TENM2: variants seen among roughly 807,000 people sequenced by gnomAD.
TENM2 encodes teneurin transmembrane protein 2.
A neutral mutation model predicts 245.2 loss-of-function variants in TENM2; 52 were observed. That is an observed-to-expected ratio of 0.21 (90% CI 0.17 to 0.27). The LOEUF (loss-of-function observed/expected upper bound fraction) is 0.27. Ranked by LOEUF, TENM2 falls within the 10% of genes least tolerant of loss-of-function variation. TENM2 has a pLI of 1.00. For synonymous variants in TENM2, 1,363 were observed against 1,438.9 expected, an observed-to-expected ratio of 0.95 and a Z score of 1.19; for missense variants, 3,046 against 3,666.8, an observed-to-expected ratio of 0.83 and a Z score of 4.37.
intron 3 of TENM2, among the ~76,000 whole-genome samples, chr5:167,915,754 G>T (rs985580528): frequency 6.6e-6 from 1 of 152,148 alleles, no homozygotes; most frequent in Non-Finnish European, 1.5e-5. Context: ...AAGATGATCT[G>T]TATTTCTTTT....
intron 2 of TENM2, among the ~76,000 whole-genome samples, chr5:167,745,809 T>C (rs1326135696): frequency 6.6e-6 from 1 of 152,226 alleles, no homozygotes; most frequent in Non-Finnish European, 1.5e-5. Context: ...ATGCATAGCA[T>C]GTATCAGTAG....
chr5:167,861,177 T>C (rs954516944), intron 2 of TENM2, among the ~76,000 whole-genome samples: 1 of 152,188 alleles, frequency 6.6e-6, no homozygotes, highest in Non-Finnish European at 1.5e-5. Flanking sequence ...TTACTCCTTC[T>C]CTCCTTTCTC....
chr5:167,706,616 G>A (rs1207038128), intron 2 of TENM2, among the ~76,000 whole-genome samples: 3 of 152,096 alleles, frequency 2.0e-5, no homozygotes, highest in Non-Finnish European at 4.4e-5. Flanking sequence ...TTACCCAGAG[G>A]TGGGATTGCT....
intron 2 of TENM2, among the ~76,000 whole-genome samples, chr5:167,492,944 A>C (rs1422417490): frequency 6.6e-6 from 1 of 152,158 alleles, no homozygotes; most frequent in Non-Finnish European, 1.5e-5. Context: ...ATTTCCAAGC[A>C]GAAGCTTGGC....
At chr5:168,159,828 G>A (rs953713990) in intron 12 of TENM2, among the ~76,000 whole-genome samples, 41 of 152,200 alleles carry the variant, frequency 2.7e-4, no homozygotes, top group Non-Finnish European at 5.1e-4. Flanking sequence ...GTCTGCAGGG[G>A]CAGGTTGGGG....
At chr5:167,903,079 C>T (rs116295211) in intron 3 of TENM2, among the ~76,000 whole-genome samples, 22 of 152,220 alleles carry the variant, frequency 1.4e-4, no homozygotes, top group African/African-American at 4.8e-4. Context: ...ACTTTGTACC[C>T]CATGAATATG....
the TENM2 span, among the ~76,000 whole-genome samples, chr5:167,067,235 C>T: frequency 6.6e-6 from 1 of 151,972 alleles, no homozygotes; most frequent in Admixed American, 6.6e-5. Flanking sequence ...AAGATTTGAA[C>T]CTTTCAGAAT....
At chr5:167,704,614 G>A (rs1013084159) in intron 2 of TENM2, among the ~76,000 whole-genome samples, 26 of 152,086 alleles carry the variant, frequency 1.7e-4, no homozygotes, top group African/African-American at 6.0e-4. Context: ...GAAGGAAGAG[G>A]GCAGTACAGG....
upstream of TENM2, among the ~76,000 whole-genome samples, chr5:167,280,362 G>A (rs1350922554): frequency 6.6e-6 from 1 of 152,182 alleles, no homozygotes; most frequent in Non-Finnish European, 1.5e-5. Flanking sequence ...CAGTGGAGAA[G>A]GGGAGGAGTG....
At chr5:167,744,820 C>CAAACAAAACAAAACA (rs144300762) in intron 2 of TENM2, among the ~76,000 whole-genome samples, 9 of 145,820 alleles carry the variant, frequency 6.2e-5, no homozygotes, top group Admixed American at 4.8e-4. Flanking sequence ...AACAAACAAA[C>CAAACAAAACAAAACA]AAACAAAACA....
At chr5:167,119,105 C>A in the TENM2 span, among the ~76,000 whole-genome samples, 1 of 152,210 alleles carries the variant, frequency 6.6e-6, no homozygotes, top group Non-Finnish European at 1.5e-5. Context: ...TGGTCCCTTT[C>A]TGCCTCAGTT....
intron 2 of TENM2, among the ~76,000 whole-genome samples, chr5:167,544,179 G>A (rs1390976720): frequency 2.0e-5 from 3 of 152,112 alleles, no homozygotes; most frequent in East Asian, 3.9e-4. Flanking sequence ...TGAAGTCACC[G>A]CTTGGTTGTG....
At chr5:167,975,852 T>C (rs1430924518) in intron 4 of TENM2, among the ~76,000 whole-genome samples, 3 of 149,708 alleles carry the variant, frequency 2.0e-5, no homozygotes, top group African/African-American at 7.3e-5. Context: ...AAAGCAACAG[T>C]GCCCCAAACT....
chr5:167,588,074 A>G (rs1209863590), intron 2 of TENM2, among the ~76,000 whole-genome samples: 3 of 152,228 alleles, frequency 2.0e-5, no homozygotes, highest in Non-Finnish European at 2.9e-5. Flanking sequence ...CAATCTGTTG[A>G]AAGTGAGTGA....
At chr5:167,088,942 C>T in the TENM2 span, among the ~76,000 whole-genome samples, 1 of 152,202 alleles carries the variant, frequency 6.6e-6, no homozygotes, top group South Asian at 2.1e-4. Context: ...GAATGAGGAA[C>T]TCCAACGTTT....
intron 2 of TENM2, among the ~76,000 whole-genome samples, chr5:167,593,591 C>T (rs1331530030): frequency 6.6e-6 from 1 of 152,356 alleles, no homozygotes; most frequent in Admixed American, 6.5e-5. Flanking sequence ...AGGCTTCTAC[C>T]TATCCGGTAA....
chr5:167,623,434 T>A (rs562475417), intron 2 of TENM2, among the ~76,000 whole-genome samples: 1 of 152,192 alleles, frequency 6.6e-6, no homozygotes, highest in Non-Finnish European at 1.5e-5. Flanking sequence ...ATTTATCCAG[T>A]GCAATTTCAC....
intron 2 of TENM2, among the ~76,000 whole-genome samples, chr5:167,463,984 C>A (rs1478406591): frequency 2.0e-5 from 3 of 152,128 alleles, no homozygotes; most frequent in South Asian, 2.1e-4. Context: ...GAGTTTGAGT[C>A]TCACTGAAAT....
In TENM2 at chr5:168,225,995, A is replaced by G. The variant is rs1392045041; in HGVS notation, c.5109-93A>G. 2.4e-6 allele frequency: 3 copies of G among 1,229,332 alleles called. No individual in the cohort carries two copies. The East Asian group carries it at 9.1e-5, about 37-fold the overall frequency. 76.2% of individuals were successfully genotyped at this position (1,229,332 alleles called of 1,614,324 possible). On this transcript the variant is annotated intron_variant, in intron 23 of 28. Transcript: ENST00000518659. Reference sequence around the variant, plus strand: ...CGCCACCCAGCCAACCCACCTTCCCAGCTCTTTCTCTGGCCCTGTGAGTCT... The same window carrying G: ...CGCCACCCAGCCAACCCACCTTCCCGGCTCTTTCTCTGGCCCTGTGAGTCT...
Sources: allele counts gnomAD v4.1 joint callset (sites outside exome capture counted in the v4.1 genomes callset), GRCh38; gene constraint gnomAD v4.1.1; transcripts MANE v1.5; gene names NCBI Gene and HGNC (gene_info 2026-07-23, HGNC 2026-07-21).